Variants in DOCK5 observed in about 807,000 individuals in gnomAD.
The protein encoded by DOCK5 is dedicator of cytokinesis protein 5.
Under a neutral mutation model 251.8 loss-of-function variants are expected in DOCK5, and 142 were observed. That is an observed-to-expected ratio of 0.56 (90% CI 0.49 to 0.65). The LOEUF (loss-of-function observed/expected upper bound fraction) is 0.65. DOCK5 is among the 30% of genes least tolerant of loss of function. The pLI is 0.00. For synonymous variants in DOCK5, 842 were observed against 835.5 expected (o/e 1.01, Z -0.13); for missense variants, 2,111 against 2,312.3 (o/e 0.91, Z 1.79).
At chr8:25,313,719 G>T (rs546929335) in intron 13 of DOCK5, among the ~76,000 whole-genome samples, 1 of 152,140 alleles carries the variant, frequency 6.6e-6, no homozygotes, top group Admixed American at 6.5e-5. Context: ...CTTGCAGATG[G>T]CCATCTTCTC....
In DOCK5 at chr8:25,296,496, T is replaced by A; in HGVS notation, c.471-17T>A. 2 of 1,603,350 alleles carry A rather than the reference T, an allele frequency of 1.2e-6. No individual in the cohort carries two copies. Among genetic ancestry groups the A allele is most frequent in the Non-Finnish European group, 8.5e-7 (1 of 1,174,874 alleles). ...CCCCTGGTGAGGAGAACCAGCTGACTACTCCTTTCTCTCCAGAATGCTGGG... is the reference window on the plus strand; with the variant it reads ...CCCCTGGTGAGGAGAACCAGCTGACAACTCCTTTCTCTCCAGAATGCTGGG... On this transcript the variant is annotated splice_polypyrimidine_tract_variant and intron_variant, in intron 6 of 51. Transcript: ENST00000276440.
At chr8:25,252,185 CTCTT>C (rs1803290287) in intron 2 of DOCK5, among the ~76,000 whole-genome samples, 1 of 152,060 alleles carries the variant, frequency 6.6e-6, no homozygotes, top group Non-Finnish European at 1.5e-5. Flanking sequence ...ACACTGAAAT[CTCTT>C]TATTGTTCCT....
chr8:25,244,532 G>T (rs1803044830), intron 2 of DOCK5, among the ~76,000 whole-genome samples: 1 of 152,252 alleles, frequency 6.6e-6, no homozygotes, highest in Admixed American at 6.5e-5. Flanking sequence ...CTCTCAGAAG[G>T]TTAGGGTACA....
chr8:25,367,924 C>A (rs1306236812), intron 31 of DOCK5, among the ~76,000 whole-genome samples: 2 of 152,134 alleles, frequency 1.3e-5, no homozygotes, highest in Admixed American at 1.3e-4. Flanking sequence ...GTCTGTGCCT[C>A]ACTCTTCTCC....
chr8:25,221,500 G>T (rs1802388731), intron 1 of DOCK5, among the ~76,000 whole-genome samples: 1 of 152,054 alleles, frequency 6.6e-6, no homozygotes, highest in Non-Finnish European at 1.5e-5. Context: ...GTAGAGAAGG[G>T]GTTTCGCCAA....
intron 2 of DOCK5, among the ~76,000 whole-genome samples, chr8:25,266,566 T>C (rs566652421): frequency 5.9e-5 from 9 of 152,000 alleles, no homozygotes; most frequent in African/African-American, 2.2e-4. Context: ...GCGGGATTAA[T>C]TGGAAAACTG....
intron 1 of DOCK5, among the ~76,000 whole-genome samples, chr8:25,222,128 T>G (rs1802406969): frequency 6.6e-6 from 1 of 152,228 alleles, no homozygotes; most frequent in African/African-American, 2.4e-5. Flanking sequence ...GATCTCGCTT[T>G]CTTCATGCTG....
rs994166763 is a variant in DOCK5 at position 25,332,687 on chromosome 8, G to A, written c.2086G>A (p.Ala696Thr). 8 of 1,608,252 alleles carry A rather than the reference G, an allele frequency of 5.0e-6. No individual in the cohort carries two copies. Among genetic ancestry groups the A allele is most frequent in the Admixed American group, 1.7e-5 (1 of 58,898 alleles). The change falls in exon 20 of 52, where the codon GCA (alanine) becomes ACA (threonine). Residue 696 changes from alanine to threonine, a missense_variant. Around this residue, in one of 3 missense-constraint regions of DOCK5, gnomAD observed 1,717 missense variants for 1,892.4 expected, o/e 0.91. Transcript: ENST00000276440. ...SETYDFLVFD[A>T]LVFIISLIGD... ...AACCTATGACTTCCTTGTGTTTGAC[G>A]CACTGGTAAGCAGTTAAACATATTA... is the stretch of plus-strand genomic sequence containing the variant.
intron 36 of DOCK5, among the ~76,000 whole-genome samples, chr8:25,373,973 C>T (rs1266840122): frequency 2.0e-5 from 3 of 152,108 alleles, no homozygotes; most frequent in Non-Finnish European, 2.9e-5. Context: ...TTGAAGTCTG[C>T]GAATCCCTGA....
intron 5 of DOCK5, among the ~76,000 whole-genome samples, chr8:25,283,892 A>G (rs1416983864): frequency 1.3e-5 from 2 of 152,156 alleles, no homozygotes; most frequent in African/African-American, 4.8e-5. Flanking sequence ...AGTTGGAACT[A>G]GTCACTGGGT....
At chr8:25,318,254 A>AT in intron 14 of DOCK5, among the ~76,000 whole-genome samples, 1 of 151,406 alleles carries the variant, frequency 6.6e-6, no homozygotes, top group South Asian at 2.1e-4. Flanking sequence ...TGCTCGACTG[A>AT]TTTTTTTTAT....
At chr8:25,245,995 G>C (rs1803094344) in intron 2 of DOCK5, among the ~76,000 whole-genome samples, 2 of 152,290 alleles carry the variant, frequency 1.3e-5, no homozygotes, top group South Asian at 2.1e-4. Context: ...GGTGATGTCA[G>C]CTGTTTGCTT....
rs1332907968 is a variant in DOCK5, at chr8:25,317,382, A to T, written c.1443+251A>T. Reference sequence around the variant, plus strand: ...AATAGCTCCAGCCACTAATGATTTTATGTGTAAGCTTCCAATGCAGATGTT... The same window carrying T: ...AATAGCTCCAGCCACTAATGATTTTTTGTGTAAGCTTCCAATGCAGATGTT... On this transcript the variant is annotated intron_variant, in intron 14 of 51. Coordinates refer to ENST00000276440, the MANE Select transcript of DOCK5 (RefSeq NM_024940.8). The T allele has an allele frequency of 1.7e-5, 6 of 354,666 alleles. No homozygotes were observed. In the East Asian group the frequency reaches 2.9e-4, roughly 17 times the overall value. 22.0% of individuals were successfully genotyped at this position (354,666 alleles called of 1,614,324 possible).
At chr8:25,336,840 C>G (rs1456743738) in intron 22 of DOCK5, among the ~76,000 whole-genome samples, 3 of 152,114 alleles carry the variant, frequency 2.0e-5, no homozygotes, top group Admixed American at 1.3e-4. Flanking sequence ...ACAGTTCCAT[C>G]AAAAACAGAA....
intron 2 of DOCK5, among the ~76,000 whole-genome samples, chr8:25,255,005 A>G (rs762900247): frequency 2.6e-5 from 4 of 152,166 alleles, no homozygotes; most frequent in Non-Finnish European, 4.4e-5. Context: ...GTAATGAGAT[A>G]CTACTGTGCA....
chr8:25,392,706 G>A, intron 43 of DOCK5, 90 bp from the exon 44 acceptor site: 1 of 1,099,316 alleles, frequency 9.1e-7, no homozygotes. Flanking sequence ...GAACCAGGGA[G>A]TCTTGCTGTT....
rs754302838 is a variant in DOCK5, at chr8:25,340,939, C to T, written c.2390C>T (p.Ala797Val). Residue 797 changes from alanine to valine, a missense_variant, in exon 23 of 52, where the codon GCT becomes GTT. Physicochemically the swap from Ala to Val is moderately conservative, Grantham distance 64. Transcript: ENST00000276440. ...FNNSIRQLFL[A>V]FNMLMDRPLE... ...AATTCAATTCGCCAGTTATTTCTTGCTTTCAATATGCTGATGGACAGGCCT... is the reference window on the plus strand; with the variant it reads ...AATTCAATTCGCCAGTTATTTCTTGTTTTCAATATGCTGATGGACAGGCCT... The T allele has an allele frequency of 1.2e-6, 2 of 1,613,500 alleles. No homozygotes were observed. The highest frequency in any genetic ancestry group is 2.2e-5 in the East Asian group (1 of 44,870).
intron 25 of DOCK5, among the ~76,000 whole-genome samples, chr8:25,345,173 T>C (rs562026960): frequency 4.7e-4 from 72 of 152,304 alleles, no homozygotes; most frequent in African/African-American, 1.7e-3. Context: ...GTGCATTAGG[T>C]TGGCGTTTTG....
intron 1 of DOCK5, 83 bp downstream of exon 1, chr8:25,185,034 C>G: frequency 8.0e-7 from 1 of 1,255,856 alleles, no homozygotes; most frequent in Non-Finnish European, 1.0e-6. Flanking sequence ...TGCGCAGAGC[C>G]CGGCGGAGGA....
Sources: allele counts gnomAD v4.1 joint callset (sites outside exome capture counted in the v4.1 genomes callset), GRCh38; gene constraint gnomAD v4.1.1; regional missense constraint gnomAD v4.1.1; transcripts MANE v1.5; gene names NCBI Gene and HGNC (gene_info 2026-07-23, HGNC 2026-07-21).